Variants in LRIF1 observed in about 807,000 individuals in gnomAD.
LRIF1 encodes the protein ligand dependent nuclear receptor interacting factor 1.
LRIF1 carries 32 observed loss-of-function variants against 52.7 expected under a neutral mutation model. The observed-to-expected ratio is 0.61, with a 90% CI of 0.46 to 0.82. The LOEUF is 0.82. LRIF1 is among the 40% of genes least tolerant of loss of function. The pLI is 0.00. For missense variants in LRIF1, 887 were observed against 892.0 expected (o/e 0.99, Z 0.07); for synonymous variants, 323 against 317.4 (o/e 1.02, Z -0.19).
At chr1:110,961,482 T>C (rs1246063280) in intron 1 of LRIF1, among the ~76,000 whole-genome samples, 1 of 152,196 alleles carries the variant, frequency 6.6e-6, no homozygotes, top group African/African-American at 2.4e-5. Context: ...ATTAAATGCA[T>C]ACCATCACAA....
chr1:110,895,973 A>G, the LRIF1 span, among the ~76,000 whole-genome samples: 1 of 152,188 alleles, frequency 6.6e-6, no homozygotes, highest in Non-Finnish European at 1.5e-5. Flanking sequence ...CTATAATTAA[A>G]TTTCCCTAAT....
chr1:110,885,031 G>T, the LRIF1 span, among the ~76,000 whole-genome samples: 1 of 151,468 alleles, frequency 6.6e-6, no homozygotes, highest in East Asian at 1.9e-4. Flanking sequence ...CCCATTTGTT[G>T]TTACCCCTTT....
At chr1:110,951,255 T>C (rs374148930) in intron 2 of LRIF1, 33 bp downstream of exon 2, 20 of 1,538,936 alleles carry the variant, frequency 1.3e-5, no homozygotes, top group East Asian at 6.7e-5. Flanking sequence ...TATATAGATA[T>C]ATAAAAAGAG....
intron 1 of LRIF1, among the ~76,000 whole-genome samples, chr1:110,961,948 AC>A (rs1658970611): frequency 6.6e-6 from 1 of 152,100 alleles, no homozygotes; most frequent in African/African-American, 2.4e-5. Context: ...AATAATAAAA[AC>A]AATGCATAAA....
the LRIF1 span, among the ~76,000 whole-genome samples, chr1:110,911,675 C>T: frequency 2.0e-5 from 3 of 152,122 alleles, no homozygotes; most frequent in African/African-American, 7.2e-5. Flanking sequence ...TGGGCTTTAT[C>T]CCTGGGATAA....
chr1:110,892,219 T>C, the LRIF1 span: 7 of 763,776 alleles, frequency 9.2e-6, no homozygotes, highest in African/African-American at 3.4e-5. Context: ...GTAAAGAAAT[T>C]GTTCATGAGA....
At chr1:110,931,654 A>G in the LRIF1 span, among the ~76,000 whole-genome samples, 1 of 152,092 alleles carries the variant, frequency 6.6e-6, no homozygotes, top group South Asian at 2.1e-4. Flanking sequence ...CTGTTGTTTC[A>G]TGACTTTTAA....
At chr1:110,898,469 C>A in the LRIF1 span, among the ~76,000 whole-genome samples, 1 of 151,880 alleles carries the variant, frequency 6.6e-6, no homozygotes, top group Non-Finnish European at 1.5e-5. Flanking sequence ...ACAAAAAAGC[C>A]ACCAAGCAGA....
chr1:110,899,929 C>G, the LRIF1 span: 4 of 152,632 alleles, frequency 2.6e-5, no homozygotes, highest in Non-Finnish European at 4.4e-5. Flanking sequence ...TCAATCACAA[C>G]ATTGCTATAT....
the LRIF1 span, among the ~76,000 whole-genome samples, chr1:110,906,745 T>C: frequency 6.6e-6 from 1 of 152,148 alleles, no homozygotes; most frequent in Non-Finnish European, 1.5e-5. Context: ...ATGTCCATTC[T>C]TTCCAAATTG....
intron 1 of LRIF1, among the ~76,000 whole-genome samples, chr1:110,963,107 C>G (rs994127991): frequency 6.6e-6 from 1 of 152,212 alleles, no homozygotes; most frequent in Non-Finnish European, 1.5e-5. Flanking sequence ...AGTCTTACTT[C>G]TCTCTCTTCA....
At chr1:110,937,071 A>G in the LRIF1 span, 1 of 152,240 alleles carries the variant, frequency 6.6e-6, no homozygotes. Flanking sequence ...GAGCACCCAG[A>G]TATATAAACC....
chr1:110,878,386 A>T, the LRIF1 span, among the ~76,000 whole-genome samples: 1 of 151,968 alleles, frequency 6.6e-6, no homozygotes, highest in East Asian at 1.9e-4. Flanking sequence ...GGGAGCCGTA[A>T]TTACCTTGCG....
At chr1:110,894,399 A>G in the LRIF1 span, 1 of 1,611,302 alleles carries the variant, frequency 6.2e-7, no homozygotes, top group East Asian at 2.2e-5. Flanking sequence ...ATATGAACAG[A>G]AGGTAAGTTA....
the LRIF1 span, among the ~76,000 whole-genome samples, chr1:110,905,613 T>C: frequency 6.6e-6 from 1 of 151,884 alleles, no homozygotes; most frequent in Admixed American, 6.6e-5. Flanking sequence ...CAACACCAGT[T>C]CTGTCCTACA....
chr1:110,952,199 C>A lies in LRIF1; in HGVS notation c.685G>T (p.Val229Phe). The A allele has an allele frequency of 6.2e-7, 1 of 1,614,122 alleles. No individual in the cohort carries two copies. Among genetic ancestry groups the A allele is most frequent in the South Asian group, 1.1e-5 (1 of 91,088 alleles). Residue 229 changes from valine (V) to phenylalanine (F), a missense_variant, in exon 2 of 4, where the codon GTT (valine) becomes TTT (phenylalanine). Coordinates refer to ENST00000369763, the MANE Select transcript of LRIF1 (RefSeq NM_018372.4). ...GTATTTACAGGAGATACATAAATAA[C>A]GGTTGGCATTTGGGAGGCCTCAACC... is the stretch of plus-strand genomic sequence containing the variant. ...GMVEASQMPTVIYVSPVNTVK... is the reference protein window; with the variant it reads ...GMVEASQMPTFIYVSPVNTVK...
Position 110,952,233 on chromosome 1 carries a change from G to A in LRIF1, c.651C>T (p.Thr217=), listed in dbSNP as rs146160712. ...TTTGGGAGGCCTCAACCATTCCTGA[G>A]GTACTGGTGGTGGCAGTTGCAAGTA... is the stretch of plus-strand genomic sequence containing the variant. ...QKILATATTS[T]SGMVEASQMP... is the part of the protein sequence containing the mutation. Residue 217 remains threonine, a synonymous_variant, in exon 2 of 4, where the codon ACC becomes ACT. Transcript: ENST00000369763. 2.8e-5 allele frequency: 46 copies of A among 1,614,064 alleles called. No homozygotes were observed. Among genetic ancestry groups the A allele is most frequent in the Non-Finnish European group, 3.6e-5 (43 of 1,180,036 alleles).
At chr1:110,917,227 T>C in the LRIF1 span, among the ~76,000 whole-genome samples, 1 of 152,232 alleles carries the variant, frequency 6.6e-6, no homozygotes, top group Non-Finnish European at 1.5e-5. Context: ...CAGGGGCTCG[T>C]GTGTCCTCAT....
chr1:110,924,519 G>C, the LRIF1 span, among the ~76,000 whole-genome samples: 11,627 of 152,214 alleles, frequency 0.076, 1,484 homozygotes, highest in African/African-American at 0.26. Context: ...AAGTGAAGGG[G>C]ATAGAGCCCC....
Sources: allele counts gnomAD v4.1 joint callset (sites outside exome capture counted in the v4.1 genomes callset), GRCh38; gene constraint gnomAD v4.1.1; transcripts MANE v1.5; gene names NCBI Gene and HGNC (gene_info 2026-07-23, HGNC 2026-07-21).